The following PIEZO2 variants were observed in gnomAD, a reference collection of about 807,000 sequenced individuals.
PIEZO2 encodes piezo-type mechanosensitive ion channel component 2.
A neutral mutation model predicts 337.3 loss-of-function variants in PIEZO2; 172 were observed. That is an observed-to-expected ratio of 0.51 (90% CI 0.45 to 0.58). The LOEUF (loss-of-function observed/expected upper bound fraction) is 0.58, where lower values mean the gene tolerates loss of function less well. Ranked by LOEUF, PIEZO2 falls within the 20% of genes least tolerant of loss-of-function variation. The pLI is 0.00. For missense variants in PIEZO2, 3,028 were observed against 3,391.3 expected (o/e 0.89, Z 2.66); for synonymous variants, 1,251 against 1,228.5 (o/e 1.02, Z -0.38).
At position 11,028,034 on chromosome 18, in the gene PIEZO2, G is replaced by C. The variant is rs919219566; in HGVS notation, c.160+38093C>G. On this transcript the variant is annotated intron_variant, in intron 2 of 55. Transcript: ENST00000674853. The surrounding 1 kb of genome is among the most constrained non-coding windows in gnomAD (Gnocchi z 4.8). ...GCAGGGTAACCTGCCAAGTGTCCCT[G>C]TGGCTAGTCCAAGCACCGTCACAGA... 6.6e-6 allele frequency among the ~76,000 whole-genome samples: 1 copy of C among 152,190 alleles called. No individual in the cohort carries two copies. Among genetic ancestry groups the C allele is most frequent in the Non-Finnish European group, 1.5e-5 (1 of 68,034 alleles).
At chr18:10,776,493 G>A (rs1484283051) in intron 18 of PIEZO2, among the ~76,000 whole-genome samples, 1 of 152,188 alleles carries the variant, frequency 6.6e-6, no homozygotes, top group Non-Finnish European at 1.5e-5. Flanking sequence ...TGGATGATAC[G>A]GAAGGTATTA....
At chr18:10,719,023 A>T (rs116409125) in intron 36 of PIEZO2, among the ~76,000 whole-genome samples, 7,129 of 149,542 alleles carry the variant, frequency 0.048, 573 homozygotes, top group African/African-American at 0.17. Flanking sequence ...ATAAATAAAT[A>T]AATTTGCTAT....
chr18:10,707,129 GATTTTTGCTAAGACTTACCTCA>G lies in PIEZO2; in HGVS notation c.5588+1124_5588+1145del, dbSNP rs2035619482. ...GCTGGTGAAATGCCAGCCCAAAACA[GATTTTTGCTAAGACTTACCTCA>G]ATTAGATATACTTCCTAGGAGGGCC... On this transcript the variant is annotated intron_variant, in intron 40 of 55. Coordinates refer to ENST00000674853, the MANE Select transcript of PIEZO2 (RefSeq NM_001378183.1). This position sits in a 1 kb window ranked among gnomAD's most constrained non-coding sequence, Gnocchi z 4.2. Among the ~76,000 whole-genome samples, 1 of 152,132 alleles carries G rather than the reference GATTTTTGCTAAGACTTACCTCA, an allele frequency of 6.6e-6. No individual in the cohort carries two copies. The highest frequency in any genetic ancestry group is 1.5e-5 in the Non-Finnish European group (1 of 68,018).
At chr18:10,725,522 G>A in intron 36 of PIEZO2, 2 of 1,406,904 alleles carry the variant, frequency 1.4e-6, no homozygotes, top group Non-Finnish European at 1.9e-6. Flanking sequence ...GCTGGGAGTC[G>A]TGGGAAGGAG....
chr18:10,835,129 G>A lies in PIEZO2; in HGVS notation c.917+20224C>T, dbSNP rs534377598. On this transcript the variant is annotated intron_variant, in intron 7 of 55. Coordinates refer to ENST00000674853, the MANE Select transcript of PIEZO2 (RefSeq NM_001378183.1). ...AGGGCCCTTGCCAGGCACCGACTCT[G>A]TTGGCACCTCGATCTTGGACTCTCC... 1.6e-4 allele frequency among the ~76,000 whole-genome samples: 25 copies of A among 152,284 alleles called. 1 individual carries two copies. Among genetic ancestry groups the A allele is most frequent in the Middle Eastern group, 6.8e-3 (2 of 294 alleles).
At chr18:10,916,713 C>G (rs1217316555) in intron 3 of PIEZO2, among the ~76,000 whole-genome samples, 1 of 152,106 alleles carries the variant, frequency 6.6e-6, no homozygotes, top group East Asian at 1.9e-4. Flanking sequence ...CTCGGCCAGC[C>G]CAGAGACGCG....
chr18:10,714,841 G>A lies in PIEZO2; in HGVS notation c.5346C>T (p.Asp1782=), dbSNP rs764045389. ...CACCTGAAGCAGCTCCGGGATGCTC[G>A]TCAATGGTGTCCAGTCCCGACTCTC... ...LSRESGLDTI[D]EHPGAASGAQ... is the part of the protein sequence containing the mutation. Residue 1782 remains aspartate, a synonymous_variant, in exon 39 of 56, where the codon GAC becomes GAT. Coordinates refer to ENST00000674853, the MANE Select transcript of PIEZO2 (RefSeq NM_001378183.1). 4 of 1,537,232 alleles carry A rather than the reference G, an allele frequency of 2.6e-6. No individual in the cohort carries two copies. Among genetic ancestry groups the A allele is most frequent in the Middle Eastern group, 1.7e-4 (1 of 5,990 alleles).
intron 43 of PIEZO2, 86 bp from the exon 44 acceptor site, chr18:10,699,263 A>C: frequency 6.7e-7 from 1 of 1,485,322 alleles, no homozygotes; most frequent in Non-Finnish European, 9.0e-7. Context: ...CATCCAACAA[A>C]CTGTCCTTCA....
At chr18:11,087,405 G>A (rs1176876713) in intron 1 of PIEZO2, among the ~76,000 whole-genome samples, 1 of 152,048 alleles carries the variant, frequency 6.6e-6, no homozygotes, top group Non-Finnish European at 1.5e-5. Flanking sequence ...TGTAACATAA[G>A]CATCTCTCTC....
rs2036739992 is a variant in PIEZO2 at position 11,031,588 on chromosome 18, C to T, written c.160+34539G>A. On this transcript the variant is annotated intron_variant, in intron 2 of 55. Transcript: ENST00000674853. This position sits in a 1 kb window ranked among gnomAD's most constrained non-coding sequence, Gnocchi z 4.7. ...TGCTTTTAAAACATTTTTATAATTA[C>T]CCAGGGGTAATATTCAATATATTTA... Among the ~76,000 whole-genome samples the T allele has an allele frequency of 6.6e-6, 1 of 151,972 alleles. No homozygotes were observed. Among genetic ancestry groups the T allele is most frequent in the Admixed American group, 6.6e-5 (1 of 15,252 alleles).
rs528450355 is a variant in PIEZO2, at chr18:10,902,399, G to GA, written c.329+8786dup. 2.0e-4 allele frequency among the ~76,000 whole-genome samples: 30 copies of GA among 152,284 alleles called. No homozygotes were observed. In the South Asian group the frequency reaches 3.7e-3, roughly 19 times the overall value. Reference sequence around the variant, plus strand: ...TTTGTAGATTTTGTCATCTGAGAAAGAAATACACTGATATCTGCATCCAAA... The same window carrying GA: ...TTTGTAGATTTTGTCATCTGAGAAAGAAAATACACTGATATCTGCATCCAAA... On this transcript the variant is annotated intron_variant, in intron 4 of 55. Coordinates refer to ENST00000674853, the MANE Select transcript of PIEZO2 (RefSeq NM_001378183.1).
At chr18:10,825,450 T>C (rs1483696088) in intron 7 of PIEZO2, among the ~76,000 whole-genome samples, 1 of 152,032 alleles carries the variant, frequency 6.6e-6, no homozygotes, top group African/African-American at 2.4e-5. Flanking sequence ...TCAACATGAC[T>C]TATACCTGAT....
intron 47 of PIEZO2, among the ~76,000 whole-genome samples, chr18:10,695,207 C>T (rs1417504438): frequency 6.6e-6 from 1 of 152,150 alleles, no homozygotes; most frequent in Non-Finnish European, 1.5e-5. Context: ...CACTGTTTTG[C>T]CTGGAGGCGT....
At chr18:11,095,286 A>T (rs1309236899) in intron 1 of PIEZO2, among the ~76,000 whole-genome samples, 1 of 152,206 alleles carries the variant, frequency 6.6e-6, no homozygotes, top group East Asian at 1.9e-4. Context: ...CTTGGAATCC[A>T]GTGAGAAATA....
At position 10,726,614 on chromosome 18, in the gene PIEZO2, CCGACGTGCGCTGG is replaced by C. The variant is rs1235918969; in HGVS notation, c.5029+4780_5029+4792del. On this transcript the variant is annotated intron_variant, in intron 36 of 55. Transcript: ENST00000674853. The surrounding 1 kb of genome is among the most constrained non-coding windows in gnomAD (Gnocchi z 5.9). Reference sequence around the variant, plus strand: ...GACCTGGCGCGCTACGTGCGGGACGCCGACGTGCGCTGGGAGTACTGCGCGCGCGCCAAGCGCG... The same window carrying C: ...GACCTGGCGCGCTACGTGCGGGACGCGAGTACTGCGCGCGCGCCAAGCGCG... 23 of 707,356 alleles carry C rather than the reference CCGACGTGCGCTGG, an allele frequency of 3.3e-5. No individual in the cohort carries two copies. In the East Asian group the frequency reaches 1.7e-3, roughly 52 times the overall value. The allele number at this position is 707,356 out of a possible 1,614,324, so 43.8% of individuals were successfully genotyped here. A position where few individuals can be genotyped will look rare whatever the true frequency, so the allele number is the denominator to read the frequency against.
Position 10,767,450 on chromosome 18 carries a change from G to A in PIEZO2, c.2946+2698C>T, listed in dbSNP as rs989948747. On this transcript the variant is annotated intron_variant, in intron 21 of 55. Coordinates refer to ENST00000674853, the MANE Select transcript of PIEZO2 (RefSeq NM_001378183.1). The surrounding 1 kb of genome is among the most constrained non-coding windows in gnomAD (Gnocchi z 4.2). ...CAGCTCCTGAAGAGCTTTCTTTGTG[G>A]AGAGGGGCTGCATCCTGCCTGTCCC... 6.6e-5 allele frequency among the ~76,000 whole-genome samples: 10 copies of A among 152,076 alleles called. No individual in the cohort carries two copies. Among genetic ancestry groups the A allele is most frequent in the Non-Finnish European group, 1.2e-4 (8 of 68,012 alleles).
intron 17 of PIEZO2, among the ~76,000 whole-genome samples, chr18:10,782,400 AT>A (rs1258453476): frequency 6.9e-5 from 6 of 87,148 alleles, no homozygotes; most frequent in Non-Finnish European, 1.1e-4. Flanking sequence ...TATATAAATA[AT>A]TATATAATAT....
intron 21 of PIEZO2, 111 bp downstream of exon 21, chr18:10,770,037 T>A: frequency 5.2e-6 from 6 of 1,153,414 alleles, no homozygotes; most frequent in Non-Finnish European, 7.2e-6. Flanking sequence ...GGAGTCTTGA[T>A]ACTCCGATGT....
intron 26 of PIEZO2, among the ~76,000 whole-genome samples, 154 bp from the exon 27 acceptor site, chr18:10,758,288 T>A (rs2037970979): frequency 6.6e-6 from 1 of 152,184 alleles, no homozygotes; most frequent in Non-Finnish European, 1.5e-5. Flanking sequence ...GAGTCCAATG[T>A]CGGGGCCAAG....
Sources: gnomAD v4.1 joint callset for allele counts (sites outside exome capture counted in the v4.1 genomes callset) on GRCh38, gnomAD v4.1.1 for gene constraint, Gnocchi (gnomAD v3.1) non-coding constraint, MANE v1.5 for transcripts, NCBI Gene and HGNC (gene_info 2026-07-23, HGNC 2026-07-21) for gene names.